The following AP3S1 variants were observed in gnomAD, a reference collection of about 807,000 sequenced individuals.
AP3S1 encodes the protein adaptor related protein complex 3 subunit sigma 1, also known as AP-3 complex subunit sigma-1.
AP3S1 carries 12 observed loss-of-function variants against 21.3 expected under a neutral mutation model. The observed-to-expected ratio is 0.56, with a 90% CI of 0.36 to 0.91. The LOEUF (loss-of-function observed/expected upper bound fraction) is 0.91. Among genes scored for constraint, AP3S1 ranks in the 40% least tolerant of loss-of-function variants. The pLI is 0.01. For missense variants in AP3S1, 116 were observed against 225.0 expected (o/e 0.52, Z 3.10); for synonymous variants, 48 against 78.4 (o/e 0.61, Z 2.05).
intron 1 of AP3S1, among the ~76,000 whole-genome samples, chr5:115,845,089 A>G (rs1761959766): frequency 6.6e-6 from 1 of 152,218 alleles, no homozygotes; most frequent in African/African-American, 2.4e-5. Context: ...TGCCTTTAGC[A>G]TAAAAGTAAT....
intron 1 of AP3S1, among the ~76,000 whole-genome samples, chr5:115,854,384 G>A (rs1033739346): frequency 6.6e-6 from 1 of 152,162 alleles, no homozygotes; most frequent in Non-Finnish European, 1.5e-5. Context: ...AAATAGGAGA[G>A]AATTCTTCTC....
At chr5:115,908,335 A>G (rs1387078257) in intron 5 of AP3S1, among the ~76,000 whole-genome samples, 1 of 152,174 alleles carries the variant, frequency 6.6e-6, no homozygotes, top group Non-Finnish European at 1.5e-5. Context: ...CTTTATTGCT[A>G]GAACTGTTAA....
At chr5:115,903,634 A>G (rs950229694) in intron 5 of AP3S1, 1 of 152,226 alleles carries the variant, frequency 6.6e-6, no homozygotes, top group African/African-American at 2.4e-5. Context: ...TACTTAGCTA[A>G]CTTTCTGCTG....
At chr5:115,902,241 A>G (rs987424823) in intron 4 of AP3S1, among the ~76,000 whole-genome samples, 2 of 152,214 alleles carry the variant, frequency 1.3e-5, no homozygotes, top group Admixed American at 6.5e-5. Context: ...TTTTGATCCA[A>G]TAATACCTTA....
intron 1 of AP3S1, among the ~76,000 whole-genome samples, chr5:115,863,466 G>A (rs1258759860): frequency 3.9e-5 from 6 of 152,016 alleles, no homozygotes; most frequent in Admixed American, 2.6e-4. Context: ...CCAGCTACTC[G>A]GGAGGCTGAG....
intron 1 of AP3S1, among the ~76,000 whole-genome samples, chr5:115,857,400 AC>A (rs1436173916): frequency 6.6e-6 from 1 of 152,234 alleles, no homozygotes; most frequent in South Asian, 2.1e-4. Context: ...TCTCCATGCT[AC>A]AAATGAGGAA....
intron 1 of AP3S1, among the ~76,000 whole-genome samples, chr5:115,845,038 T>C (rs1056829199): frequency 6.6e-6 from 1 of 152,206 alleles, no homozygotes; most frequent in African/African-American, 2.4e-5. Context: ...TTCTATCTCT[T>C]AAAATGTAGT....
chr5:115,891,679 G>C (rs1212752969), intron 3 of AP3S1, among the ~76,000 whole-genome samples: 2 of 152,160 alleles, frequency 1.3e-5, no homozygotes, highest in Admixed American at 1.3e-4. Context: ...CCGTACTGGG[G>C]CACTGCCTCG....
At chr5:115,906,761 T>C in intron 5 of AP3S1, 1 of 1,294,546 alleles carries the variant, frequency 7.7e-7, no homozygotes, top group Non-Finnish European at 1.0e-6. Context: ...TGAAAGTCAG[T>C]CCTCTTTTTT....
intron 1 of AP3S1, among the ~76,000 whole-genome samples, chr5:115,842,920 A>G (rs1475805963): frequency 6.6e-6 from 1 of 152,214 alleles, no homozygotes; most frequent in Non-Finnish European, 1.5e-5. Flanking sequence ...TTTTCCACGT[A>G]TGGGAATTTG....
intron 1 of AP3S1, among the ~76,000 whole-genome samples, chr5:115,843,166 A>G (rs74898404): frequency 0.055 from 8,354 of 152,306 alleles, 776 homozygotes; most frequent in African/African-American, 0.19. Context: ...AATGTGAGGT[A>G]TAACTGTTGT....
At chr5:115,905,271 A>G (rs1482235106) in intron 5 of AP3S1, among the ~76,000 whole-genome samples, 1 of 152,254 alleles carries the variant, frequency 6.6e-6, no homozygotes, top group Non-Finnish European at 1.5e-5. Flanking sequence ...TATAAAGAGC[A>G]GTAAAATGCG....
At chr5:115,903,974 C>G (rs373198464) in intron 5 of AP3S1, 1 of 151,918 alleles carries the variant, frequency 6.6e-6, no homozygotes, top group Non-Finnish European at 1.5e-5. Context: ...CCCAGCTACT[C>G]GGGAGGCTGA....
chr5:115,857,832 C>A (rs756896541), intron 1 of AP3S1, among the ~76,000 whole-genome samples: 1 of 152,154 alleles, frequency 6.6e-6, no homozygotes, highest in Non-Finnish European at 1.5e-5. Flanking sequence ...TTGATGTTTA[C>A]GTTAATTTAT....
intron 3 of AP3S1, among the ~76,000 whole-genome samples, chr5:115,884,386 A>T (rs1749580214): frequency 6.6e-6 from 1 of 152,222 alleles, no homozygotes; most frequent in African/African-American, 2.4e-5. Context: ...CAACATGGTG[A>T]AACCCCGTCT....
chr5:115,885,952 A>T (rs979016878), intron 3 of AP3S1, among the ~76,000 whole-genome samples: 4 of 152,068 alleles, frequency 2.6e-5, no homozygotes, highest in Non-Finnish European at 5.9e-5. Context: ...GACAGTTCAA[A>T]TTTTTGCTTT....
intron 3 of AP3S1, among the ~76,000 whole-genome samples, chr5:115,877,851 C>T (rs1011748961): frequency 2.6e-5 from 4 of 152,172 alleles, no homozygotes; most frequent in Non-Finnish European, 5.9e-5. Flanking sequence ...TTCACATCCT[C>T]GCCAGCATCT....
intron 3 of AP3S1, among the ~76,000 whole-genome samples, chr5:115,873,211 A>T (rs1327233725): frequency 6.6e-6 from 1 of 152,080 alleles, no homozygotes; most frequent in Non-Finnish European, 1.5e-5. Flanking sequence ...TCCAAAGGGG[A>T]TTAGATGGGG....
At position 115,906,135 on chromosome 5, in the gene AP3S1, G is replaced by A. The variant is rs149481892; in HGVS notation, c.453+3143G>A. 6.5e-3 allele frequency among the ~76,000 whole-genome samples: 985 copies of A among 152,312 alleles called. 10 individuals are homozygous for A. The highest frequency in any genetic ancestry group is 0.023 in the African/African-American group (944 of 41,572). The stretch of plus-strand genomic sequence containing the variant: ...ATTGCACCACTGCACTCCAGCCTGC[G>A]TGACAGAGTAAGACTCCGTCTCAAA... On this transcript the variant is annotated intron_variant, in intron 5 of 5. Transcript: ENST00000316788.
Sources: gnomAD v4.1 joint callset for allele counts (sites outside exome capture counted in the v4.1 genomes callset) on GRCh38, gnomAD v4.1.1 for gene constraint, MANE v1.5 for transcripts, NCBI Gene and HGNC (gene_info 2026-07-23, HGNC 2026-07-21) for gene names.